Variants in IHO1 observed in about 807,000 individuals in gnomAD.
IHO1 encodes interactor of HORMAD1 1.
IHO1 carries 13 observed loss-of-function variants against 31.0 expected under a neutral mutation model. The ratio of observed to expected loss-of-function variants is 0.42; its 90% CI spans 0.27 to 0.67. IHO1 has a LOEUF of 0.67. IHO1 is among the 30% of genes least tolerant of loss of function. The pLI is 0.24. For missense variants in IHO1, 599 were observed against 687.5 expected (o/e 0.87, Z 1.44); for synonymous variants, 221 against 248.4 (o/e 0.89, Z 1.04).
Position 49,203,012 on chromosome 3 carries a change from G to A in IHO1, c.-16+3439G>A, listed in dbSNP as rs1045352265. On this transcript the variant is annotated intron_variant, in intron 1 of 7. Coordinates refer to ENST00000452691, the MANE Select transcript of IHO1 (RefSeq NM_001135197.2). Reference sequence around the variant, plus strand: ...CGAGTAGCTGGGACTACAGGCGCCCGCCACCGCGCCCGGCCAATTTTTTGT... The same window carrying A: ...CGAGTAGCTGGGACTACAGGCGCCCACCACCGCGCCCGGCCAATTTTTTGT... Among the ~76,000 whole-genome samples the A allele has an allele frequency of 5.9e-5, 9 of 152,046 alleles. No individual in the cohort carries two copies. The South Asian group carries it at 6.2e-4, about 11-fold the overall frequency.
chr3:49,237,334 A>G (rs1041686872), intron 3 of IHO1, among the ~76,000 whole-genome samples: 3 of 152,172 alleles, frequency 2.0e-5, no homozygotes, highest in Non-Finnish European at 4.4e-5. Flanking sequence ...GAGATAGAGC[A>G]TGACTCTGTC....
intron 2 of IHO1, among the ~76,000 whole-genome samples, chr3:49,217,654 AAAAG>A (rs1386473343): frequency 1.3e-5 from 2 of 151,990 alleles, no homozygotes; most frequent in Non-Finnish European, 2.9e-5. Flanking sequence ...AAAAAAAAAA[AAAAG>A]AAAAAATTAT....
At position 49,202,851 on chromosome 3, in the gene IHO1, ATTT is replaced by A. The variant is rs71077774; in HGVS notation, c.-16+3298_-16+3300del. ...CTACCACGTCCAGCTAATTTTTTGT[ATTT>A]TTTTTTTTTTTTTTTTTTTGAGACG... On this transcript the variant is annotated intron_variant, in intron 1 of 7. Coordinates refer to ENST00000452691, the MANE Select transcript of IHO1 (RefSeq NM_001135197.2). Among the ~76,000 whole-genome samples the A allele has an allele frequency of 6.8e-4, 61 of 90,138 alleles. 1 individual carries two copies. Among genetic ancestry groups the A allele is most frequent in the Non-Finnish European group, 9.8e-4 (46 of 47,046 alleles). 59.1% of individuals were successfully genotyped at this position (90,138 alleles called of 152,430 possible). A position where few individuals can be genotyped will look rare whatever the true frequency, so the allele number is the denominator to read the frequency against.
chr3:49,217,293 G>A (rs1421488673), intron 2 of IHO1, among the ~76,000 whole-genome samples: 1 of 151,934 alleles, frequency 6.6e-6, no homozygotes, highest in Non-Finnish European at 1.5e-5. Flanking sequence ...ATACACCATG[G>A]AATACTATGC....
At chr3:49,238,073 T>G (rs2046582393) in intron 3 of IHO1, among the ~76,000 whole-genome samples, 1 of 151,386 alleles carries the variant, frequency 6.6e-6, no homozygotes, top group African/African-American at 2.4e-5. Context: ...CACGGCTGAT[T>G]TTTGCGTTTT....
the IHO1 span, chr3:49,191,937 C>T: frequency 5.8e-6 from 4 of 686,900 alleles, no homozygotes; most frequent in East Asian, 8.2e-5. Flanking sequence ...GACCTGTTGC[C>T]CCTTTGTCCT....
chr3:49,209,587 G>C (rs978681657), intron 1 of IHO1, among the ~76,000 whole-genome samples: 1 of 149,770 alleles, frequency 6.7e-6, no homozygotes, highest in Non-Finnish European at 1.5e-5. Flanking sequence ...AGTTAGCTAA[G>C]ATAACACCAC....
In IHO1 at chr3:49,257,201, A is replaced by G; in HGVS notation, c.1704A>G (p.Ser568=). The change falls in exon 8 of 8, where the codon TCA becomes TCG. Residue 568 remains serine, a synonymous_variant. Coordinates refer to ENST00000452691, the MANE Select transcript of IHO1 (RefSeq NM_001135197.2). Reference sequence around the variant, plus strand: ...TCAGTGACCTCAATCTCGGATGTTCAGAGACCCCTCTATGCAAGGAGGCAG... The same window carrying G: ...TCAGTGACCTCAATCTCGGATGTTCGGAGACCCCTCTATGCAAGGAGGCAG... The part of the protein sequence containing the change: ...SWFSDLNLGC[S]ETPLCKEAGK... The G allele has an allele frequency of 1.2e-6, 2 of 1,614,228 alleles. No individual in the cohort carries two copies. Among genetic ancestry groups the G allele is most frequent in the South Asian group, 2.2e-5 (2 of 91,086 alleles).
intron 4 of IHO1, among the ~76,000 whole-genome samples, chr3:49,242,837 CA>C (rs1312352977): frequency 6.6e-6 from 1 of 151,976 alleles, no homozygotes; most frequent in Non-Finnish European, 1.5e-5. Context: ...ACAACAACAA[CA>C]AAAAAGAATA....
rs780979311 is a variant in IHO1, at chr3:49,215,049, TTCTC to T, written c.56+3217_56+3220del. Among the ~76,000 whole-genome samples, 280 of 151,356 alleles carry T rather than the reference TTCTC, an allele frequency of 1.8e-3. 3 individuals are homozygous for T. The highest frequency in any genetic ancestry group is 3.0e-3 in the Non-Finnish European group (202 of 67,800). ...AATCCAATGTCATGAAGCTTTTGCC[TTCTC>T]TCTTTTTTTTTTTTTGAGATGGAGT... On this transcript the variant is annotated intron_variant, in intron 2 of 7. Transcript: ENST00000452691.
Position 49,235,523 on chromosome 3 carries a change from C to T in IHO1, c.57-1025C>T, listed in dbSNP as rs182293660. Among the ~76,000 whole-genome samples the T allele has an allele frequency of 2.6e-3, 393 of 152,104 alleles. 1 individual carries two copies. The highest frequency in any genetic ancestry group is 8.9e-3 in the African/African-American group (370 of 41,488). On this transcript the variant is annotated intron_variant, in intron 2 of 7. Transcript: ENST00000452691. ...GATTACAGGCGTGAGCCACCGCACC[C>T]GGCCGATTATATATAAATCTAACTT...
chr3:49,193,787 C>A (rs1049024199), upstream of IHO1, among the ~76,000 whole-genome samples: 1 of 149,842 alleles, frequency 6.7e-6, no homozygotes, highest in Non-Finnish European at 1.5e-5. Context: ...CATGGTGAAA[C>A]CCCGTCTCTA....
intron 2 of IHO1, among the ~76,000 whole-genome samples, chr3:49,227,195 A>G (rs1013087911): frequency 3.3e-5 from 5 of 152,218 alleles, no homozygotes; most frequent in Non-Finnish European, 7.3e-5. Context: ...GCTGCAGGAT[A>G]GTATTGTAAT....
At chr3:49,251,808 G>C (rs749052807) in intron 6 of IHO1, among the ~76,000 whole-genome samples, 3 of 151,944 alleles carry the variant, frequency 2.0e-5, no homozygotes, top group Non-Finnish European at 2.9e-5. Context: ...CTCCATGTTG[G>C]TCAGGCTGTT....
In IHO1 at chr3:49,207,460, G is replaced by C. The variant is rs368409635; in HGVS notation, c.-15-4306G>C. Among the ~76,000 whole-genome samples the C allele has an allele frequency of 1.2e-4, 18 of 151,836 alleles. No homozygotes were observed. The East Asian group carries it at 2.5e-3, about 21-fold the overall frequency. ...AGGATTTCACCATGTTGGCCTGGAG[G>C]GTCTCAATCTTTTGACCTTGTGATC... On this transcript the variant is annotated intron_variant, in intron 1 of 7. Transcript: ENST00000452691.
rs540291168 is a variant in IHO1 at position 49,227,906 on chromosome 3, A to G, written c.57-8642A>G. 8.5e-5 allele frequency among the ~76,000 whole-genome samples: 13 copies of G among 152,280 alleles called. No homozygotes were observed. The East Asian group carries it at 2.3e-3, about 27-fold the overall frequency. The stretch of plus-strand genomic sequence containing the variant: ...CTGAGGAGGGATCCTAAAATTCCAG[A>G]TAGTCCCCCCTACGACGGAGCTTTG... On this transcript the variant is annotated intron_variant, in intron 2 of 7. Coordinates refer to ENST00000452691, the MANE Select transcript of IHO1 (RefSeq NM_001135197.2).
chr3:49,196,780 C>T (rs559161014), upstream of IHO1, among the ~76,000 whole-genome samples: 3 of 151,640 alleles, frequency 2.0e-5, no homozygotes, highest in East Asian at 3.9e-4. Flanking sequence ...ACGCCATTCT[C>T]CTGCCTCAGC....
At chr3:49,194,758 T>G (rs948146287), upstream of IHO1, among the ~76,000 whole-genome samples, 1 of 150,474 alleles carries the variant, frequency 6.6e-6, no homozygotes, top group African/African-American at 2.4e-5. Context: ...TAGCCAGACA[T>G]GGTGACGTGC....
intron 1 of IHO1, among the ~76,000 whole-genome samples, chr3:49,207,986 A>G (rs2046161234): frequency 6.6e-6 from 1 of 151,976 alleles, no homozygotes; most frequent in Non-Finnish European, 1.5e-5. Context: ...GTTAGCCAGG[A>G]TGGTCTCGAT....
Sources: gnomAD v4.1 joint callset for allele counts (sites outside exome capture counted in the v4.1 genomes callset) on GRCh38, gnomAD v4.1.1 for gene constraint, MANE v1.5 for transcripts, NCBI Gene and HGNC (gene_info 2026-07-23, HGNC 2026-07-21) for gene names.